The following QTMAN variants were observed in gnomAD, a reference collection of about 807,000 sequenced individuals.
The protein encoded by QTMAN is queuosine-tRNA mannosyltransferase.
At chr2:144,140,250 A>T in the QTMAN span, among the ~76,000 whole-genome samples, 1 of 152,198 alleles carries the variant, frequency 6.6e-6, no homozygotes, top group African/African-American at 2.4e-5. Context: ...CATCCAAATT[A>T]ATAAACTACT....
the QTMAN span, among the ~76,000 whole-genome samples, chr2:144,046,797 CATT>C: frequency 5.3e-5 from 8 of 152,106 alleles, no homozygotes; most frequent in African/African-American, 9.7e-5. Flanking sequence ...TAATTTCCAG[CATT>C]ATTTTTTGTC....
At chr2:144,105,126 T>C in the QTMAN span, among the ~76,000 whole-genome samples, 626 of 151,988 alleles carry the variant, frequency 4.1e-3, 16 homozygotes, top group Admixed American at 0.03. Context: ...TCATCAAAGA[T>C]CGAAGGTAGA....
At chr2:144,097,179 T>C in the QTMAN span, among the ~76,000 whole-genome samples, 3 of 152,260 alleles carry the variant, frequency 2.0e-5, no homozygotes, top group Admixed American at 2.0e-4. Context: ...AATTCTATGC[T>C]CACAGGATTT....
At chr2:144,161,655 C>G in the QTMAN span, among the ~76,000 whole-genome samples, 1 of 151,944 alleles carries the variant, frequency 6.6e-6, no homozygotes, top group African/African-American at 2.4e-5. Flanking sequence ...AAAATCCAGT[C>G]CAAATGGAGA....
At chr2:144,113,022 CA>C in the QTMAN span, among the ~76,000 whole-genome samples, 3 of 152,074 alleles carry the variant, frequency 2.0e-5, no homozygotes, top group East Asian at 5.8e-4. Flanking sequence ...AAGTAGGATC[CA>C]GAGTCTCATA....
the QTMAN span, among the ~76,000 whole-genome samples, chr2:144,143,415 T>C: frequency 6.6e-6 from 1 of 152,020 alleles, no homozygotes. Context: ...AACGTCAGTT[T>C]AGTTTAAGTC....
the QTMAN span, among the ~76,000 whole-genome samples, chr2:144,215,440 G>A: frequency 7.2e-5 from 11 of 151,970 alleles, no homozygotes; most frequent in South Asian, 2.1e-4. Context: ...TACTAAGCAC[G>A]TCATGTACTT....
chr2:144,286,704 A>G, the QTMAN span, among the ~76,000 whole-genome samples: 2 of 152,204 alleles, frequency 1.3e-5, no homozygotes, highest in Non-Finnish European at 2.9e-5. Flanking sequence ...CCCAGAATAT[A>G]TTTCCACAAA....
the QTMAN span, among the ~76,000 whole-genome samples, chr2:144,076,974 C>A: frequency 3.2e-5 from 4 of 123,104 alleles, no homozygotes; most frequent in African/African-American, 8.9e-5. Flanking sequence ...TAATAAACTA[C>A]AAAAATAAAA....
At chr2:143,939,908 A>T in the QTMAN span, 1 of 152,084 alleles carries the variant, frequency 6.6e-6, no homozygotes, top group Non-Finnish European at 1.5e-5. Context: ...ATTTGTCCAC[A>T]TACTTTTCTT....
At chr2:144,226,628 C>T in the QTMAN span, among the ~76,000 whole-genome samples, 40 of 152,230 alleles carry the variant, frequency 2.6e-4, 1 homozygote, top group South Asian at 8.1e-3. Flanking sequence ...CACTTGAATA[C>T]ATTCCCTGCT....
chr2:144,086,906 A>T, the QTMAN span, among the ~76,000 whole-genome samples: 1 of 152,118 alleles, frequency 6.6e-6, no homozygotes, highest in Non-Finnish European at 1.5e-5. Context: ...AAATTCCCTG[A>T]TTCCCAGAAT....
At chr2:144,204,800 A>G in the QTMAN span, among the ~76,000 whole-genome samples, 16 of 152,164 alleles carry the variant, frequency 1.1e-4, no homozygotes, top group Admixed American at 1.0e-3. Context: ...ACACCATGGA[A>G]TACTATGCAG....
chr2:143,940,596 C>A, the QTMAN span: 1 of 152,230 alleles, frequency 6.6e-6, no homozygotes, highest in African/African-American at 2.4e-5. Context: ...AGTTATCCCT[C>A]CCCTTCCTTT....
At chr2:144,073,777 C>A in the QTMAN span, among the ~76,000 whole-genome samples, 1 of 152,206 alleles carries the variant, frequency 6.6e-6, no homozygotes, top group African/African-American at 2.4e-5. Context: ...ATCATATCCC[C>A]CAACTCCCAA....
chr2:144,227,018 G>A, the QTMAN span, among the ~76,000 whole-genome samples: 7 of 152,108 alleles, frequency 4.6e-5, no homozygotes, highest in South Asian at 2.1e-4. Flanking sequence ...GTACATAATT[G>A]TTTGCTTGTG....
the QTMAN span, among the ~76,000 whole-genome samples, chr2:143,999,421 C>T: frequency 1.6e-4 from 24 of 149,428 alleles, no homozygotes; most frequent in Admixed American, 2.7e-4. Context: ...GGAATATTAG[C>T]CTTAAAAAAA....
the QTMAN span, among the ~76,000 whole-genome samples, chr2:144,261,044 AC>A: frequency 1.3e-5 from 2 of 152,022 alleles, no homozygotes; most frequent in Admixed American, 1.3e-4. Context: ...GTTTTCTCTC[AC>A]TCTGCTTTAT....
the QTMAN span, among the ~76,000 whole-genome samples, chr2:144,238,306 G>A: frequency 6.6e-6 from 1 of 152,286 alleles, no homozygotes; most frequent in African/African-American, 2.4e-5. Context: ...AAACAACTAT[G>A]TAGATATGCT....
Sources: gnomAD v4.1 joint callset for allele counts (sites outside exome capture counted in the v4.1 genomes callset) on GRCh38, gnomAD v4.1.1 for gene constraint, MANE v1.5 for transcripts, NCBI Gene and HGNC (gene_info 2026-07-23, HGNC 2026-07-21) for gene names.